VDAC2: variants seen among roughly 807,000 people sequenced by gnomAD.
The protein encoded by VDAC2 is voltage dependent anion channel 2.
A neutral mutation model predicts 36.6 loss-of-function variants in VDAC2; 6 were observed. The observed-to-expected ratio is 0.16, with a 90% CI of 0.09 to 0.32. The LOEUF is 0.32. VDAC2 is among the 10% of genes least tolerant of loss of function. VDAC2 has a pLI of 1.00. For synonymous variants in VDAC2, 109 were observed against 123.8 expected (o/e 0.88, Z 0.79); for missense variants, 247 against 346.0 (o/e 0.71, Z 2.27).
chr10:75,219,086 T>C lies in VDAC2; in HGVS notation c.174T>C (p.Ser58=), dbSNP rs542925112. ...AGGAATTTTCAACGTCCGGTTCATC[T>C]AATACAGACACTGGTAAAGTTACTG... is the stretch of plus-strand genomic sequence containing the variant. The part of the protein sequence containing the change: ...SGVEFSTSGS[S]NTDTGKVTGT... The change falls in exon 5 of 10, where the codon TCT becomes TCC. Residue 58 remains serine (S), a synonymous_variant. Transcript: ENST00000332211. 8.7e-6 allele frequency: 14 copies of C among 1,609,968 alleles called. No homozygotes were observed. The South Asian group carries it at 1.3e-4, about 15-fold the overall frequency.
chr10:75,219,563 A>G (rs1841737483), intron 6 of VDAC2, among the ~76,000 whole-genome samples: 1 of 152,174 alleles, frequency 6.6e-6, no homozygotes, highest in African/African-American at 2.4e-5. Flanking sequence ...GGCTCACTGC[A>G]GTCTCAGCTT....
intron 8 of VDAC2, among the ~76,000 whole-genome samples, chr10:75,223,588 T>C (rs1841880382): frequency 6.6e-6 from 1 of 152,160 alleles, no homozygotes; most frequent in African/African-American, 2.4e-5. Flanking sequence ...CTTGTGATAT[T>C]AGGAAGTATA....
chr10:75,224,978 A>G (rs1163019994), intron 8 of VDAC2, among the ~76,000 whole-genome samples: 1 of 152,190 alleles, frequency 6.6e-6, no homozygotes, highest in East Asian at 1.9e-4. Context: ...ATTCTTACTG[A>G]TCTGTAACGA....
At chr10:75,225,645 T>C (rs1046841048) in intron 8 of VDAC2, among the ~76,000 whole-genome samples, 5 of 152,210 alleles carry the variant, frequency 3.3e-5, no homozygotes, top group African/African-American at 1.2e-4. Flanking sequence ...AAGAACAAAG[T>C]GTTTTTAAAC....
chr10:75,223,379 T>G (rs780558824), intron 8 of VDAC2, among the ~76,000 whole-genome samples: 7 of 152,232 alleles, frequency 4.6e-5, no homozygotes, highest in Admixed American at 6.5e-5. Flanking sequence ...TCTGTGGCAT[T>G]TTAACAGATT....
At chr10:75,222,508 T>G (rs2132271961) in intron 8 of VDAC2, 106 bp downstream of exon 8, 1 of 1,414,326 alleles carries the variant, frequency 7.1e-7, no homozygotes, top group East Asian at 2.3e-5. Flanking sequence ...CAGTCCCCAG[T>G]TTACAGATAG....
intron 4 of VDAC2, among the ~76,000 whole-genome samples, chr10:75,215,179 G>T (rs566812709): frequency 6.6e-6 from 1 of 152,032 alleles, no homozygotes; most frequent in Non-Finnish European, 1.5e-5. Context: ...CTCCCAAAGT[G>T]CTGGGATTAC....
chr10:75,213,938 G>T (rs1396049504), intron 3 of VDAC2, 83 bp from the exon 4 acceptor site: 5 of 1,359,682 alleles, frequency 3.7e-6, no homozygotes, highest in Admixed American at 3.7e-5. Flanking sequence ...GAATCTTTTT[G>T]TTTTTTATGT....
chr10:75,222,679 G>A (rs1841849259), intron 8 of VDAC2, among the ~76,000 whole-genome samples: 1 of 151,720 alleles, frequency 6.6e-6, no homozygotes, highest in Non-Finnish European at 1.5e-5. Flanking sequence ...TATAGCTGGT[G>A]TTTGGTCCCT....
chr10:75,229,699 C>A lies in VDAC2; in HGVS notation c.791C>A (p.Pro264His). The A allele has an allele frequency of 6.3e-7, 1 of 1,598,484 alleles. No homozygotes were observed. The highest frequency in any genetic ancestry group is 8.5e-7 in the Non-Finnish European group (1 of 1,175,178). ...IGVGYTQTLR[P>H]GVKLTLSALV... The stretch of plus-strand genomic sequence containing the variant: ...GTAGGCTATACTCAGACTCTGAGGC[C>A]TGGTAAGTATTCTTGATAAAGTAGG... The change falls in exon 9 of 10, where the codon CCT becomes CAT. Residue 264 changes from proline to histidine, a missense_variant and splice_region_variant. Physicochemically the swap from Pro to His is moderately conservative, Grantham distance 77 (BLOSUM62 -2). This residue lies in a region of VDAC2 where 159 missense variants were observed against 234.0 expected (regional missense o/e 0.68). Coordinates refer to ENST00000332211, the MANE Select transcript of VDAC2 (RefSeq NM_001391963.1).
chr10:75,225,322 TA>T (rs1472765706), intron 8 of VDAC2, among the ~76,000 whole-genome samples: 1 of 152,242 alleles, frequency 6.6e-6, no homozygotes, highest in Non-Finnish European at 1.5e-5. Context: ...AATACAATTT[TA>T]AAGAATTTAT....
chr10:75,224,548 T>A (rs1275339918), intron 8 of VDAC2, among the ~76,000 whole-genome samples: 1 of 152,050 alleles, frequency 6.6e-6, no homozygotes, highest in African/African-American at 2.4e-5. Flanking sequence ...AAATTACCAG[T>A]GGAATTCAAA....
rs191847247 is a variant in VDAC2 at position 75,223,296 on chromosome 10, T to C, written c.735+894T>C. ...GCTGGCCGCCTTCTCCATTTCTAAT[T>C]GCACTACAGCAATAAAAACCTCAAG... On this transcript the variant is annotated intron_variant, in intron 8 of 9. Coordinates refer to ENST00000332211, the MANE Select transcript of VDAC2 (RefSeq NM_001391963.1). Among the ~76,000 whole-genome samples, 155 of 152,250 alleles carry C rather than the reference T, an allele frequency of 1.0e-3. 1 individual carries two copies. Among genetic ancestry groups the C allele is most frequent in the African/African-American group, 3.6e-3 (151 of 41,566 alleles).
rs772291671 is a variant in VDAC2 at position 75,219,091 on chromosome 10, C to T, written c.179C>T (p.Thr60Ile). 1.1e-5 allele frequency: 17 copies of T among 1,610,336 alleles called. No homozygotes were observed. The highest frequency in any genetic ancestry group is 1.3e-5 in the Non-Finnish European group (15 of 1,179,198). Residue 60 changes from threonine to isoleucine, a missense_variant, in exon 5 of 10, where the codon ACA becomes ATA. Around this residue, in one of 3 missense-constraint regions of VDAC2, gnomAD observed 76 missense variants for 76.9 expected, o/e 0.99. Transcript: ENST00000332211. ...VEFSTSGSSN[T>I]DTGKVTGTLE... ...TTTTCAACGTCCGGTTCATCTAATACAGACACTGGTAAAGTTACTGGGACC... is the reference window on the plus strand; with the variant it reads ...TTTTCAACGTCCGGTTCATCTAATATAGACACTGGTAAAGTTACTGGGACC...
At chr10:75,224,173 G>A (rs1228095264) in intron 8 of VDAC2, among the ~76,000 whole-genome samples, 2 of 152,168 alleles carry the variant, frequency 1.3e-5, no homozygotes, top group Non-Finnish European at 2.9e-5. Flanking sequence ...GCAGTCTTGT[G>A]GGACTAAGCC....
At chr10:75,216,257 A>G (rs941044749) in intron 4 of VDAC2, among the ~76,000 whole-genome samples, 1 of 152,244 alleles carries the variant, frequency 6.6e-6, no homozygotes, top group Non-Finnish European at 1.5e-5. Context: ...CCTTGTGTTT[A>G]AAAAGCTTAC....
intron 6 of VDAC2, among the ~76,000 whole-genome samples, 162 bp downstream of exon 6, chr10:75,219,518 G>T (rs866418902): frequency 6.6e-6 from 1 of 152,154 alleles, no homozygotes; most frequent in Non-Finnish European, 1.5e-5. Context: ...AGTCTTTGCT[G>T]TGTCACCCAG....
At chr10:75,211,346 G>C in intron 2 of VDAC2, 157 bp downstream of exon 2, 1 of 1,387,772 alleles carries the variant, frequency 7.2e-7, no homozygotes, top group Admixed American at 2.6e-5. Context: ...TGCGGAGGAG[G>C]GGCTGGGCTG....
intron 4 of VDAC2, among the ~76,000 whole-genome samples, chr10:75,215,894 G>A (rs1841588718): frequency 6.6e-6 from 1 of 151,426 alleles, no homozygotes; most frequent in South Asian, 2.1e-4. Context: ...GCTAATTTTT[G>A]TATTTTTAGT....
Sources: allele counts gnomAD v4.1 joint callset (sites outside exome capture counted in the v4.1 genomes callset), GRCh38; gene constraint gnomAD v4.1.1; regional missense constraint gnomAD v4.1.1; transcripts MANE v1.5; gene names NCBI Gene and HGNC (gene_info 2026-07-23, HGNC 2026-07-21).